MYO1D: variants seen among roughly 807,000 people sequenced by gnomAD.
MYO1D encodes unconventional myosin-Id.
A neutral mutation model predicts 122.0 loss-of-function variants in MYO1D; 83 were observed. That is an observed-to-expected ratio of 0.68 (90% CI 0.57 to 0.82). The LOEUF (loss-of-function observed/expected upper bound fraction) is 0.82. Among genes scored for constraint, MYO1D ranks in the 40% least tolerant of loss-of-function variants. MYO1D has a pLI of 0.00. For synonymous variants in MYO1D, 464 were observed against 446.9 expected (o/e 1.04, Z -0.48); for missense variants, 1,157 against 1,269.5 (o/e 0.91, Z 1.35).
chr17:32,764,379 A>C (rs1353615813), intron 8 of MYO1D, among the ~76,000 whole-genome samples: 1 of 152,162 alleles, frequency 6.6e-6, no homozygotes, highest in East Asian at 1.9e-4. Flanking sequence ...GTTAATAATA[A>C]TACTAATAAT....
intron 16 of MYO1D, among the ~76,000 whole-genome samples, chr17:32,662,144 T>C (rs2088574181): frequency 1.3e-5 from 2 of 152,176 alleles, no homozygotes; most frequent in African/African-American, 4.8e-5. Flanking sequence ...CAGTTCCCTA[T>C]CCTGGGGCTT....
At chr17:32,872,646 A>G (rs1199354541) in intron 1 of MYO1D, among the ~76,000 whole-genome samples, 1 of 150,616 alleles carries the variant, frequency 6.6e-6, no homozygotes, top group Non-Finnish European at 1.5e-5. Context: ...AGTAATCCAC[A>G]TCACTCTTTT....
At chr17:32,861,190 TC>T (rs1394733500) in intron 1 of MYO1D, among the ~76,000 whole-genome samples, 1 of 114,242 alleles carries the variant, frequency 8.8e-6, no homozygotes, top group African/African-American at 3.5e-5. Flanking sequence ...TGCTTCAGCC[TC>T]CCGAGCTGGG....
intron 1 of MYO1D, among the ~76,000 whole-genome samples, chr17:32,851,142 A>G (rs2090984278): frequency 6.6e-6 from 1 of 151,930 alleles, no homozygotes; most frequent in African/African-American, 2.4e-5. Flanking sequence ...CAGAAGGTAA[A>G]CCTATTCACT....
chr17:32,657,816 A>C (rs923789933), intron 17 of MYO1D, among the ~76,000 whole-genome samples: 1 of 152,250 alleles, frequency 6.6e-6, no homozygotes, highest in African/African-American at 2.4e-5. Flanking sequence ...GTAAAACCTC[A>C]AAATCTAAAT....
chr17:32,839,718 CAG>C (rs1362001039), intron 1 of MYO1D, among the ~76,000 whole-genome samples: 1 of 152,138 alleles, frequency 6.6e-6, no homozygotes, highest in Non-Finnish European at 1.5e-5. Context: ...GTGGACAAAA[CAG>C]AGATACTGCT....
intron 21 of MYO1D, among the ~76,000 whole-genome samples, chr17:32,521,158 C>T (rs1285725680): frequency 6.6e-6 from 1 of 152,186 alleles, no homozygotes; most frequent in Non-Finnish European, 1.5e-5. Flanking sequence ...AATCTTCTGG[C>T]CAGCAGGCTG....
chr17:32,673,911 T>C (rs973987809), intron 16 of MYO1D, among the ~76,000 whole-genome samples: 7 of 152,244 alleles, frequency 4.6e-5, no homozygotes, highest in Admixed American at 2.0e-4. Flanking sequence ...TGGATTATTT[T>C]CCCTTCCAGT....
At chr17:32,703,309 A>T (rs751391367) in intron 16 of MYO1D, among the ~76,000 whole-genome samples, 3 of 152,184 alleles carry the variant, frequency 2.0e-5, no homozygotes, top group Non-Finnish European at 2.9e-5. Flanking sequence ...GTGGGTCAAG[A>T]AATCTATTCT....
chr17:32,751,548 A>G (rs1016988366), intron 11 of MYO1D, among the ~76,000 whole-genome samples: 1 of 152,226 alleles, frequency 6.6e-6, no homozygotes, highest in Non-Finnish European at 1.5e-5. Context: ...CCTAGACTTG[A>G]TAAGCAACTT....
chr17:32,585,687 G>A (rs768981967), intron 21 of MYO1D, among the ~76,000 whole-genome samples: 4 of 147,920 alleles, frequency 2.7e-5, no homozygotes, highest in Non-Finnish European at 4.4e-5. Flanking sequence ...CTGAGATCGC[G>A]CCACTGCACT....
chr17:32,579,575 T>C (rs147430919), intron 21 of MYO1D, among the ~76,000 whole-genome samples: 2 of 152,284 alleles, frequency 1.3e-5, no homozygotes, highest in African/African-American at 4.8e-5. Flanking sequence ...GAAATATATA[T>C]TATACCTGTG....
rs776551886 is a variant in MYO1D at position 32,775,984 on chromosome 17, A to G, written c.444T>C (p.Phe148=). The change falls in exon 4 of 22, where the codon TTT becomes TTC. Residue 148 remains phenylalanine (F), a synonymous_variant. Transcript: ENST00000318217. ...LLKSNCVLEA[F]GNAKTNRNDN... is the part of the protein sequence containing the mutation. ...CATTACGGTTGGTTTTGGCATTTCC[A>G]AAAGCTTCCAAAACACAGTTGGACT... is the stretch of plus-strand genomic sequence containing the variant. 5.0e-6 allele frequency: 8 copies of G among 1,613,836 alleles called. No homozygotes were observed. The highest frequency in any genetic ancestry group is 8.5e-7 in the Non-Finnish European group (1 of 1,179,938).
intron 1 of MYO1D, among the ~76,000 whole-genome samples, chr17:32,870,174 C>T (rs1287867010): frequency 6.6e-6 from 1 of 152,198 alleles, no homozygotes; most frequent in Non-Finnish European, 1.5e-5. Context: ...CCCAAATTCC[C>T]ATTTTTGTCC....
At chr17:32,667,010 A>G (rs987283354) in intron 16 of MYO1D, among the ~76,000 whole-genome samples, 3 of 152,244 alleles carry the variant, frequency 2.0e-5, no homozygotes, top group Non-Finnish European at 4.4e-5. Context: ...CCACATTGAG[A>G]TAAGTCTACA....
At chr17:32,581,998 GT>G in intron 21 of MYO1D, among the ~76,000 whole-genome samples, 1 of 152,022 alleles carries the variant, frequency 6.6e-6, no homozygotes, top group Non-Finnish European at 1.5e-5. Context: ...CTCCTGACCT[GT>G]CTTGGACAGG....
At chr17:32,759,381 G>A (rs2089978427) in intron 10 of MYO1D, among the ~76,000 whole-genome samples, 1 of 151,980 alleles carries the variant, frequency 6.6e-6, no homozygotes, top group African/African-American at 2.4e-5. Context: ...AAAATAGGTA[G>A]GAAGGAAGAT....
chr17:32,653,153 AT>A (rs201468739), intron 19 of MYO1D, among the ~76,000 whole-genome samples: 409 of 152,116 alleles, frequency 2.7e-3, no homozygotes, highest in African/African-American at 8.6e-3. Context: ...AAAAAAAAAA[AT>A]AAATAAAAGA....
intron 1 of MYO1D, among the ~76,000 whole-genome samples, chr17:32,864,220 C>T (rs895455195): frequency 1.3e-5 from 2 of 151,826 alleles, no homozygotes; most frequent in African/African-American, 4.8e-5. Flanking sequence ...TGAAGCCCTA[C>T]TCCACCTCTA....
Sources: gnomAD v4.1 joint callset for allele counts (sites outside exome capture counted in the v4.1 genomes callset) on GRCh38, gnomAD v4.1.1 for gene constraint, MANE v1.5 for transcripts, NCBI Gene and HGNC (gene_info 2026-07-23, HGNC 2026-07-21) for gene names.